The following TMEM17 variants were observed in gnomAD, a reference collection of about 807,000 sequenced individuals.
The protein encoded by TMEM17 is transmembrane protein 17.
Under a neutral mutation model 19.1 loss-of-function variants are expected in TMEM17, and 15 were observed. The observed-to-expected ratio is 0.78, with a 90% confidence interval of 0.52 to 1.21. The LOEUF (loss-of-function observed/expected upper bound fraction) is 1.21, where lower values mean the gene tolerates loss of function less well. Among genes scored for constraint, TMEM17 ranks in the 50% most tolerant of loss-of-function variants. TMEM17 has a pLI of 0.00. For synonymous variants in TMEM17, 103 were observed against 86.9 expected (o/e 1.19, Z -1.03); for missense variants, 245 against 242.3 (o/e 1.01, Z -0.07).
At chr2:62,458,459 A>G in the TMEM17 span, among the ~76,000 whole-genome samples, 3 of 152,196 alleles carry the variant, frequency 2.0e-5, no homozygotes, top group Non-Finnish European at 4.4e-5. Flanking sequence ...ACGTGGGTTC[A>G]ATGTCAGCCC....
chr2:62,470,441 A>T, the TMEM17 span, among the ~76,000 whole-genome samples: 2 of 152,210 alleles, frequency 1.3e-5, no homozygotes, highest in Non-Finnish European at 2.9e-5. Flanking sequence ...CTGCCCTCAG[A>T]GGGATAAACA....
At chr2:62,467,152 T>C in the TMEM17 span, among the ~76,000 whole-genome samples, 1 of 151,866 alleles carries the variant, frequency 6.6e-6, no homozygotes, top group African/African-American at 2.4e-5. Flanking sequence ...TATTATCCCA[T>C]TTAAACAATT....
the TMEM17 span, among the ~76,000 whole-genome samples, chr2:62,480,257 GA>G: frequency 2.2e-4 from 33 of 151,676 alleles, no homozygotes; most frequent in African/African-American, 1.2e-4. Context: ...ATTTTTTAAT[GA>G]AAAAAAATTT....
chr2:62,502,486 A>G lies in TMEM17; in HGVS notation c.269T>C (p.Ile90Thr), dbSNP rs200158161. The G allele has an allele frequency of 1.9e-5, 31 of 1,613,236 alleles. No individual in the cohort carries two copies. The highest frequency in any genetic ancestry group is 6.7e-5 in the African/African-American group (5 of 74,930). ...VITVIILITL[I>T]EAIRLYLGYV... ...GCCCAGATACAACCGGATGGCTTCAATTAAGGTTATTAGGATGATAACAGT... is the reference window on the plus strand; with the variant it reads ...GCCCAGATACAACCGGATGGCTTCAGTTAAGGTTATTAGGATGATAACAGT... The change falls in exon 3 of 4, where the codon ATT (isoleucine) becomes ACT (threonine). Residue 90 changes from isoleucine to threonine, a missense_variant. By Grantham distance (89) the Ile-to-Thr change is moderately conservative (BLOSUM62 -1). Transcript: ENST00000335390.
the TMEM17 span, among the ~76,000 whole-genome samples, chr2:62,483,903 C>T: frequency 9.2e-3 from 1,398 of 152,048 alleles, 21 homozygotes; most frequent in African/African-American, 0.031. Flanking sequence ...ACCCGGCCTA[C>T]GATACAGATT....
chr2:62,487,825 C>T, the TMEM17 span, among the ~76,000 whole-genome samples: 1 of 152,178 alleles, frequency 6.6e-6, no homozygotes, highest in East Asian at 1.9e-4. Flanking sequence ...CTCTGAATAG[C>T]TGAGATTACA....
chr2:62,488,863 G>C, the TMEM17 span, among the ~76,000 whole-genome samples: 3 of 149,404 alleles, frequency 2.0e-5, no homozygotes, highest in African/African-American at 7.4e-5. Context: ...CTCTGCTTAG[G>C]GGTCAGATTT....
the TMEM17 span, among the ~76,000 whole-genome samples, chr2:62,474,615 C>T: frequency 0.015 from 2,210 of 152,238 alleles, 26 homozygotes; most frequent in Non-Finnish European, 0.025. Context: ...ATGAATAAGA[C>T]CTTACCCCTT....
rs1387401024 is a variant in TMEM17, at chr2:62,501,125, G to A, written c.*84C>T. The A allele has an allele frequency of 3.4e-6, 5 of 1,462,222 alleles. No homozygotes were observed. In the African/African-American group the frequency reaches 5.7e-5, roughly 17 times the overall value. The allele number at this position is 1,462,222 out of a possible 1,614,324, so 90.6% of individuals were successfully genotyped here. The stretch of plus-strand genomic sequence containing the variant: ...ATATACAATTCAAAACACTTGCTTT[G>A]TCCCTTTTCTCAGAGCTCTGATATT... On this transcript the variant is annotated 3_prime_UTR_variant, in exon 4 of 4. Coordinates refer to ENST00000335390, the MANE Select transcript of TMEM17 (RefSeq NM_198276.3).
the TMEM17 span, among the ~76,000 whole-genome samples, chr2:62,460,128 T>C: frequency 6.6e-6 from 1 of 152,204 alleles, no homozygotes; most frequent in Non-Finnish European, 1.5e-5. Context: ...TAGTTACATA[T>C]AATTAATCAG....
intron 3 of TMEM17, chr2:62,502,190 T>G (rs991084193): frequency 1.5e-5 from 4 of 274,180 alleles, no homozygotes; most frequent in African/African-American, 8.7e-5. Context: ...TTCATATACT[T>G]TACATAAATC....
the TMEM17 span, among the ~76,000 whole-genome samples, chr2:62,467,881 T>G: frequency 7.9e-6 from 1 of 127,322 alleles, no homozygotes; most frequent in Admixed American, 8.4e-5. Flanking sequence ...ATGCCATCTC[T>G]CCTTTTTTTT....
chr2:62,500,987 TA>T lies in TMEM17; in HGVS notation c.*221del. 2.5e-6 allele frequency: 1 copy of T among 396,762 alleles called. No homozygotes were observed. The highest frequency in any genetic ancestry group is 4.4e-6 in the Non-Finnish European group (1 of 227,732). The allele number at this position is 396,762 out of a possible 1,614,324, so 24.6% of individuals were successfully genotyped here. Reference sequence around the variant, plus strand: ...AAAAGACAACAACATCAAAAAAAATTAAGAAATTTGGCATCAGGTGGACAAC... The same window carrying T: ...AAAAGACAACAACATCAAAAAAAATTAGAAATTTGGCATCAGGTGGACAAC... On this transcript the variant is annotated 3_prime_UTR_variant, in exon 4 of 4. Transcript: ENST00000335390.
the TMEM17 span, among the ~76,000 whole-genome samples, chr2:62,473,638 A>G: frequency 6.6e-6 from 1 of 152,124 alleles, no homozygotes; most frequent in Non-Finnish European, 1.5e-5. Flanking sequence ...TCATCTACAC[A>G]CTTTCCTACT....
chr2:62,488,607 A>C, the TMEM17 span, among the ~76,000 whole-genome samples: 1 of 152,020 alleles, frequency 6.6e-6, no homozygotes, highest in Non-Finnish European at 1.5e-5. Context: ...ATAGGACCCA[A>C]CTATGTGGTT....
downstream of TMEM17, among the ~76,000 whole-genome samples, chr2:62,498,552 T>G (rs1679830808): frequency 6.8e-6 from 1 of 148,030 alleles, no homozygotes; most frequent in South Asian, 2.1e-4. Context: ...CCGTCTCTAC[T>G]AAAAATACAA....
chr2:62,465,918 A>G, the TMEM17 span, among the ~76,000 whole-genome samples: 1 of 152,126 alleles, frequency 6.6e-6, no homozygotes, highest in African/African-American at 2.4e-5. Context: ...AATTTTTTTA[A>G]AATAGGGAAA....
chr2:62,503,866 C>T (rs1269466084), intron 1 of TMEM17, among the ~76,000 whole-genome samples: 1 of 152,226 alleles, frequency 6.6e-6, no homozygotes, highest in African/African-American at 2.4e-5. Flanking sequence ...ATTTGTGATA[C>T]ATGAGTTCCA....
the TMEM17 span, among the ~76,000 whole-genome samples, chr2:62,478,889 G>A: frequency 6.6e-6 from 1 of 152,094 alleles, no homozygotes; most frequent in African/African-American, 2.4e-5. Context: ...TCCCAAAAAG[G>A]AGCCCAAAAG....
Sources: allele counts gnomAD v4.1 joint callset (sites outside exome capture counted in the v4.1 genomes callset), GRCh38; gene constraint gnomAD v4.1.1; transcripts MANE v1.5; gene names NCBI Gene and HGNC (gene_info 2026-07-23, HGNC 2026-07-21).